NCOA1: variants seen among roughly 807,000 people sequenced by gnomAD.
NCOA1 encodes Hin-2 protein.
Under a neutral mutation model 150.9 loss-of-function variants are expected in NCOA1, and 35 were observed. That is an observed-to-expected ratio of 0.23 (90% CI 0.18 to 0.31). NCOA1 has a LOEUF of 0.31. NCOA1 is among the 10% of genes least tolerant of loss of function. The probability of loss-of-function intolerance (pLI) is 1.00; values close to 1 mark genes in which losing one functional copy is unlikely to be tolerated. For synonymous variants in NCOA1, 590 were observed against 630.0 expected (o/e 0.94, Z 0.95); for missense variants, 1,491 against 1,749.3 (o/e 0.85, Z 2.63).
chr2:24,527,318 T>C (rs534697070), intron 1 of NCOA1, among the ~76,000 whole-genome samples: 1 of 152,266 alleles, frequency 6.6e-6, no homozygotes, highest in South Asian at 2.1e-4. Flanking sequence ...TCATCCAGTT[T>C]CCTACACCAA....
rs894228204 is a variant in NCOA1, at chr2:24,520,884, CCTT to C, written c.-396+29285_-396+29287del. 2.9e-5 allele frequency among the ~76,000 whole-genome samples: 4 copies of C among 136,682 alleles called. No homozygotes were observed. In the East Asian group the frequency reaches 8.9e-4, roughly 31 times the overall value. The allele number at this position is 136,682 out of a possible 152,430, so 89.7% of individuals were successfully genotyped here. On this transcript the variant is annotated intron_variant, in intron 1 of 22. Transcript: ENST00000348332. ...GATCTGGCCCTTGTTGTCTTTCTGA[CCTT>C]CTCTCCTATTGTTCTTTTTCCTTGC...
At chr2:24,495,461 A>G (rs1005542721) in intron 1 of NCOA1, among the ~76,000 whole-genome samples, 1 of 152,128 alleles carries the variant, frequency 6.6e-6, no homozygotes, top group Non-Finnish European at 1.5e-5. Flanking sequence ...CATCTTGGAT[A>G]TATTTTGTTC....
intron 3 of NCOA1, among the ~76,000 whole-genome samples, chr2:24,620,182 A>G (rs1669060847): frequency 6.6e-6 from 1 of 152,090 alleles, no homozygotes; most frequent in African/African-American, 2.4e-5. Flanking sequence ...CTTTGGGGAG[A>G]CTCAGTTCAT....
intron 4 of NCOA1, among the ~76,000 whole-genome samples, chr2:24,656,687 T>C (rs531964946): frequency 9.3e-4 from 142 of 152,334 alleles, no homozygotes; most frequent in African/African-American, 3.3e-3. Context: ...ATTAACTTCT[T>C]TAGTTTACAC....
intron 1 of NCOA1, among the ~76,000 whole-genome samples, chr2:24,512,035 G>A (rs182776430): frequency 6.6e-6 from 1 of 151,920 alleles, no homozygotes; most frequent in African/African-American, 2.4e-5. Context: ...TTTCACCCTC[G>A]ACTCCCTGCT....
At chr2:24,538,463 A>C (rs948897043) in intron 1 of NCOA1, among the ~76,000 whole-genome samples, 5 of 152,248 alleles carry the variant, frequency 3.3e-5, no homozygotes, top group African/African-American at 1.2e-4. Context: ...ATCTGGATGC[A>C]AATCCATATT....
chr2:24,675,908 G>T (rs1356047060), intron 7 of NCOA1, among the ~76,000 whole-genome samples: 18 of 151,962 alleles, frequency 1.2e-4, no homozygotes, highest in Admixed American at 1.0e-3. Context: ...TAATAAATAA[G>T]TAAAAAATAA....
At chr2:24,587,608 T>A (rs1368432586) in intron 3 of NCOA1, among the ~76,000 whole-genome samples, 1 of 152,258 alleles carries the variant, frequency 6.6e-6, no homozygotes, top group Non-Finnish European at 1.5e-5. Context: ...TGTATCTCTC[T>A]CAAGATACCA....
chr2:24,583,270 G>A (rs887374193), intron 2 of NCOA1, among the ~76,000 whole-genome samples: 1 of 151,928 alleles, frequency 6.6e-6, no homozygotes, highest in African/African-American at 2.4e-5. Context: ...TTCTCAAAAG[G>A]AATATGCAAA....
intron 11 of NCOA1, 69 bp downstream of exon 11, chr2:24,697,867 A>C: frequency 7.0e-7 from 1 of 1,426,710 alleles, no homozygotes; most frequent in Non-Finnish European, 9.5e-7. Context: ...GTTCGTATAG[A>C]ACTTATGGCT....
At chr2:24,728,283 A>G in intron 15 of NCOA1, 25 bp from the exon 16 acceptor site, 4 of 1,583,366 alleles carry the variant, frequency 2.5e-6, no homozygotes, top group Non-Finnish European at 3.4e-6. Context: ...TCAGTCTGAA[A>G]CTTTCTTGTT....
intron 11 of NCOA1, among the ~76,000 whole-genome samples, chr2:24,698,745 A>G (rs1459346290): frequency 6.6e-6 from 1 of 152,112 alleles, no homozygotes; most frequent in Non-Finnish European, 1.5e-5. Context: ...AATATGTTTC[A>G]TTATTTTGTC....
At chr2:24,670,228 C>T (rs1448606350) in intron 6 of NCOA1, among the ~76,000 whole-genome samples, 1 of 152,166 alleles carries the variant, frequency 6.6e-6, no homozygotes, top group East Asian at 1.9e-4. Context: ...GATGGAGCCA[C>T]GTTGGAAAAC....
intron 1 of NCOA1, among the ~76,000 whole-genome samples, chr2:24,525,343 G>A (rs958078543): frequency 6.6e-6 from 1 of 152,050 alleles, no homozygotes; most frequent in African/African-American, 2.4e-5. Context: ...ATGGAAAGAT[G>A]CATATAAAAT....
At position 24,729,730 on chromosome 2, in the gene NCOA1, A is replaced by G; in HGVS notation, c.3116A>G (p.Gln1039Arg). 6.2e-7 allele frequency: 1 copy of G among 1,614,212 alleles called. No individual in the cohort carries two copies. The highest frequency in any genetic ancestry group is 1.1e-5 in the South Asian group (1 of 91,086). Reference protein sequence around the residue: ...RGAFSPGMGMQPRQTLNRPPA... With the variant: ...RGAFSPGMGMRPRQTLNRPPA... ...GCTTTTTCACCTGGCATGGGCATGCAGCCCAGGCAAACTCTAAACAGACCT... is the reference window on the plus strand; with the variant it reads ...GCTTTTTCACCTGGCATGGGCATGCGGCCCAGGCAAACTCTAAACAGACCT... Residue 1039 changes from glutamine (Q) to arginine (R), a missense_variant, in exon 17 of 23, where the codon CAG becomes CGG. This residue lies in a region of NCOA1 where 485 missense variants were observed against 522.8 expected (regional missense o/e 0.93). Transcript: ENST00000348332.
At chr2:24,727,125 T>TA (rs1674670479) in intron 15 of NCOA1, among the ~76,000 whole-genome samples, 9 of 109,942 alleles carry the variant, frequency 8.2e-5, no homozygotes, top group African/African-American at 3.3e-4. Context: ...GCAACAAGAG[T>TA]GAAACTCTGT....
chr2:24,651,558 T>C (rs1222084986), intron 4 of NCOA1, among the ~76,000 whole-genome samples: 1 of 152,038 alleles, frequency 6.6e-6, no homozygotes, highest in Non-Finnish European at 1.5e-5. Flanking sequence ...GAAAAATGGG[T>C]AACTATGGGA....
At chr2:24,705,043 A>G in intron 11 of NCOA1, 43 bp from the exon 12 acceptor site, 2 of 1,594,030 alleles carry the variant, frequency 1.3e-6, no homozygotes, top group Non-Finnish European at 1.7e-6. Context: ...GCCAGCGTAT[A>G]AGTATCAGAA....
chr2:24,697,059 C>T (rs1005407969), intron 10 of NCOA1, among the ~76,000 whole-genome samples: 2 of 151,978 alleles, frequency 1.3e-5, no homozygotes, highest in Admixed American at 6.6e-5. Flanking sequence ...ATAACAATGG[C>T]GAATCACCAC....
Sources: allele counts gnomAD v4.1 joint callset (sites outside exome capture counted in the v4.1 genomes callset), GRCh38; gene constraint gnomAD v4.1.1; regional missense constraint gnomAD v4.1.1; transcripts MANE v1.5; gene names NCBI Gene and HGNC (gene_info 2026-07-23, HGNC 2026-07-21).